SLC25A13: variants seen among roughly 807,000 people sequenced by gnomAD.
SLC25A13 encodes solute carrier family 25 member 13.
Under a neutral mutation model 85.5 loss-of-function variants are expected in SLC25A13, and 70 were observed. The ratio of observed to expected loss-of-function variants is 0.82; its 90% CI spans 0.68 to 1.00. SLC25A13 has a LOEUF of 1.00. Among genes scored for constraint, SLC25A13 ranks in the 50% least tolerant of loss-of-function variants. The probability of loss-of-function intolerance (pLI) is 0.00; values close to 1 mark genes in which losing one functional copy is unlikely to be tolerated. For synonymous variants in SLC25A13, 259 were observed against 288.7 expected, an observed-to-expected ratio of 0.90 and a Z score of 1.04; for missense variants, 765 against 819.8, an observed-to-expected ratio of 0.93 and a Z score of 0.82.
chr7:96,121,246 A>G lies in SLC25A13; in HGVS notation c.1973T>C (p.Leu658Pro), dbSNP rs1791488792. Residue 658 changes from leucine to proline, a missense_variant, in exon 18 of 18, where the codon CTA (leucine) becomes CCA (proline). Coordinates refer to ENST00000265631, the MANE Select transcript of SLC25A13 (RefSeq NM_014251.3). ...AGIENKFGLYLPLFKPSVSTS... is the reference protein window; with the variant it reads ...AGIENKFGLYPPLFKPSVSTS... ...AGATACTGATGGCTTGAAGAGAGGT[A>G]GGTAAAGTCCAAATTTGTTTTCAAT... 6.2e-7 allele frequency: 1 copy of G among 1,614,160 alleles called. No individual in the cohort carries two copies. The highest frequency in any genetic ancestry group is 1.1e-5 in the South Asian group (1 of 91,074).
At chr7:96,212,415 G>C (rs895281859) in intron 4 of SLC25A13, among the ~76,000 whole-genome samples, 1 of 152,152 alleles carries the variant, frequency 6.6e-6, no homozygotes, top group African/African-American at 2.4e-5. Flanking sequence ...TTCAACAGCA[G>C]ATTCAAACAG....
chr7:96,167,032 T>C (rs1026192016), intron 13 of SLC25A13: 1 of 152,210 alleles, frequency 6.6e-6, no homozygotes, highest in Non-Finnish European at 1.5e-5. Flanking sequence ...CCACAAAGGA[T>C]TCTTTCAGAT....
At chr7:96,290,595 T>C (rs969074401) in intron 2 of SLC25A13, among the ~76,000 whole-genome samples, 1 of 101,716 alleles carries the variant, frequency 9.8e-6, no homozygotes, top group East Asian at 2.6e-4. Context: ...ACCAAGCAAA[T>C]GGAAAAAAAA....
intron 11 of SLC25A13, among the ~76,000 whole-genome samples, chr7:96,173,909 G>A (rs1384768993): frequency 6.6e-6 from 1 of 152,210 alleles, no homozygotes; most frequent in Admixed American, 6.5e-5. Flanking sequence ...CTTTAGAGAA[G>A]AGGGGACAAG....
chr7:96,288,607 A>C (rs1168489783), intron 2 of SLC25A13, among the ~76,000 whole-genome samples: 1 of 152,172 alleles, frequency 6.6e-6, no homozygotes, highest in Non-Finnish European at 1.5e-5. Context: ...AGCAAACGGC[A>C]CACCAGGAGA....
Position 96,296,963 on chromosome 7 carries a change from C to A in SLC25A13, c.16-12G>T, listed in dbSNP as rs759837169. On this transcript the variant is annotated splice_polypyrimidine_tract_variant and intron_variant, in intron 1 of 17. Coordinates refer to ENST00000265631, the MANE Select transcript of SLC25A13 (RefSeq NM_014251.3). ...TTGGTTAAAGCCACCTATAAATAAA[C>A]ATAAAAATGTTTATGTTATTACAAC... 1 of 1,609,816 alleles carries A rather than the reference C, an allele frequency of 6.2e-7. No homozygotes were observed.
At chr7:96,283,671 T>C in intron 2 of SLC25A13, 1 of 294,040 alleles carries the variant, frequency 3.4e-6, no homozygotes, top group Non-Finnish European at 6.6e-6. Flanking sequence ...GATAGCTTCC[T>C]GAAATGCATG....
At chr7:96,244,350 G>A (rs189135760) in intron 3 of SLC25A13, among the ~76,000 whole-genome samples, 28 of 152,292 alleles carry the variant, frequency 1.8e-4, no homozygotes, top group African/African-American at 6.7e-4. Flanking sequence ...TATGTTAGTT[G>A]ATGGTCAGCA....
chr7:96,291,787 T>C (rs1799129377), intron 2 of SLC25A13, among the ~76,000 whole-genome samples: 1 of 152,148 alleles, frequency 6.6e-6, no homozygotes, highest in African/African-American at 2.4e-5. Context: ...CAATAATTAA[T>C]AGCCTACCAA....
chr7:96,187,232 G>GT (rs1462630781), intron 9 of SLC25A13, among the ~76,000 whole-genome samples: 2 of 152,114 alleles, frequency 1.3e-5, no homozygotes, highest in Non-Finnish European at 2.9e-5. Context: ...AATAAAATTT[G>GT]TTTTTCAGAA....
At position 96,178,540 on chromosome 7, in the gene SLC25A13, G is replaced by A. The variant is rs141642656; in HGVS notation, c.1177+5737C>T. ...GAAGCCACAGCCAGCACACTGTTGT[G>A]TTATCTAGTTTCCACCTGGTAGCAA... On this transcript the variant is annotated intron_variant, in intron 11 of 17. Transcript: ENST00000265631. 2.0e-5 allele frequency among the ~76,000 whole-genome samples: 3 copies of A among 152,232 alleles called. No individual in the cohort carries two copies. The East Asian group carries it at 5.8e-4, about 29-fold the overall frequency.
chr7:96,232,870 A>T (rs1186335714), intron 4 of SLC25A13, among the ~76,000 whole-genome samples: 1 of 152,210 alleles, frequency 6.6e-6, no homozygotes, highest in Non-Finnish European at 1.5e-5. Flanking sequence ...TAAGAAGCAG[A>T]AACAAAATCC....
chr7:96,168,709 A>G (rs531487747), intron 13 of SLC25A13, among the ~76,000 whole-genome samples: 147 of 152,290 alleles, frequency 9.7e-4, no homozygotes, highest in Non-Finnish European at 8.8e-4. Context: ...ATCTATAATC[A>G]TATCTTTTCA....
chr7:96,240,714 A>G (rs1796936688), intron 3 of SLC25A13, among the ~76,000 whole-genome samples: 1 of 150,114 alleles, frequency 6.7e-6, no homozygotes, highest in South Asian at 2.1e-4. Context: ...ACTGCACTCC[A>G]GCCTGGGCTA....
rs1243539176 is a variant in SLC25A13, at chr7:96,265,801, C to T, written c.212+11395G>A. On this transcript the variant is annotated intron_variant, in intron 3 of 17. Coordinates refer to ENST00000265631, the MANE Select transcript of SLC25A13 (RefSeq NM_014251.3). ...GGTAATTTATAAGTAACAGAATTTACTGCTCACAGTTCTAGGAGTTGGGAA... is the reference window on the plus strand; with the variant it reads ...GGTAATTTATAAGTAACAGAATTTATTGCTCACAGTTCTAGGAGTTGGGAA... 2.6e-5 allele frequency among the ~76,000 whole-genome samples: 4 copies of T among 152,302 alleles called. No individual in the cohort carries two copies. In the East Asian group the frequency reaches 5.8e-4, roughly 22 times the overall value.
intron 1 of SLC25A13, chr7:96,309,405 G>C (rs181643587): frequency 1.3e-5 from 2 of 152,322 alleles, no homozygotes; most frequent in East Asian, 1.9e-4. Context: ...GATTCTCCAT[G>C]ATGTGCTCAC....
chr7:96,134,812 T>TATATAA (rs1554337568), intron 14 of SLC25A13, among the ~76,000 whole-genome samples: 1 of 146,220 alleles, frequency 6.8e-6, no homozygotes, highest in African/African-American at 2.5e-5. Flanking sequence ...TATATATATA[T>TATATAA]AACCCTGAGG....
At chr7:96,172,645 T>C (rs973251809) in intron 11 of SLC25A13, among the ~76,000 whole-genome samples, 1 of 152,120 alleles carries the variant, frequency 6.6e-6, no homozygotes, top group Non-Finnish European at 1.5e-5. Context: ...CCCGGGCCTC[T>C]TTCTGACATC....
chr7:96,290,285 T>C (rs1439730494), intron 2 of SLC25A13, among the ~76,000 whole-genome samples: 1 of 152,000 alleles, frequency 6.6e-6, no homozygotes, highest in Non-Finnish European at 1.5e-5. Context: ...GCACTAAACA[T>C]GGAAAGGAAC....
Sources: allele counts gnomAD v4.1 joint callset (sites outside exome capture counted in the v4.1 genomes callset), GRCh38; gene constraint gnomAD v4.1.1; transcripts MANE v1.5; gene names NCBI Gene and HGNC (gene_info 2026-07-23, HGNC 2026-07-21).